The following NLGN4Y variants were observed in gnomAD, a reference collection of about 807,000 sequenced individuals.
NLGN4Y encodes the protein neuroligin 4 Y-linked, also known as neuroligin-4, Y-linked.
A neutral mutation model predicts 8.4 loss-of-function variants in NLGN4Y; 4 were observed. The ratio of observed to expected loss-of-function variants is 0.48; its 90% CI spans 0.23 to 1.09. NLGN4Y has a LOEUF of 1.09. Among genes scored for constraint, NLGN4Y ranks in the 50% least tolerant of loss-of-function variants. The probability of loss-of-function intolerance (pLI) is 0.19; values close to 1 mark genes in which losing one functional copy is unlikely to be tolerated. For missense variants in NLGN4Y, 90 were observed against 192.3 expected (o/e 0.47, Z 3.15); for synonymous variants, 35 against 75.6 (o/e 0.46, Z 2.78).
intron 1 of NLGN4Y, among the ~76,000 whole-genome samples, chrY:14,605,990 G>A (rs777942739): frequency 6.7e-4 from 22 of 32,775 alleles, no homozygotes; most frequent in African/African-American, 2.6e-3. Context: ...GTTGAGAGTG[G>A]GCATCCATGT....
In NLGN4Y at chrY:14,613,502, A is replaced by G. The variant is rs750363052; in HGVS notation, c.-111-8507A>G. Among the ~76,000 whole-genome samples, 9 of 33,356 alleles carry G rather than the reference A, an allele frequency of 2.7e-4. No individual in the cohort carries two copies. The East Asian group carries it at 3.2e-3, about 12-fold the overall frequency. 89.5% of individuals were successfully genotyped at this position (33,356 alleles called of 37,273 possible). Reference sequence around the variant, plus strand: ...TGTGCACAACATGCAGGTTTGATACATGGGTATATATGTGCCACATTGGCT... The same window carrying G: ...TGTGCACAACATGCAGGTTTGATACGTGGGTATATATGTGCCACATTGGCT... On this transcript the variant is annotated intron_variant, in intron 1 of 6. Coordinates refer to ENST00000684976, the MANE Select transcript of NLGN4Y (RefSeq NM_001365588.1).
At chrY:14,669,730 A>G (rs2080703965) in intron 2 of NLGN4Y, among the ~76,000 whole-genome samples, 3 of 33,679 alleles carry the variant, frequency 8.9e-5, no homozygotes, top group Admixed American at 5.4e-4. Flanking sequence ...GATTCTCTTT[A>G]TATCATGGAG....
chrY:14,730,002 T>G (rs756495349), intron 4 of NLGN4Y, among the ~76,000 whole-genome samples: 1 of 33,978 alleles, frequency 2.9e-5, no homozygotes, highest in Admixed American at 2.7e-4. Context: ...TGTTAGCAGA[T>G]GTATATACTT....
chrY:14,727,848 C>T, intron 4 of NLGN4Y, among the ~76,000 whole-genome samples: 1 of 33,415 alleles, frequency 3.0e-5, no homozygotes, highest in Non-Finnish European at 7.4e-5. Flanking sequence ...CCTATACAAC[C>T]AATCTCATTT....
chrY:14,804,848 C>T (rs779780873), intron 4 of NLGN4Y, among the ~76,000 whole-genome samples: 1 of 33,569 alleles, frequency 3.0e-5, no homozygotes, highest in East Asian at 7.8e-4. Context: ...ATTTCCGCTC[C>T]TATGAGAATA....
At chrY:14,744,801 T>C (rs2081019456) in intron 4 of NLGN4Y, among the ~76,000 whole-genome samples, 1 of 33,949 alleles carries the variant, frequency 2.9e-5, no homozygotes, top group East Asian at 7.9e-4. Context: ...TCTCCCTAAC[T>C]CATCTGTCTG....
At chrY:14,619,162 C>A in intron 1 of NLGN4Y, among the ~76,000 whole-genome samples, 2 of 33,183 alleles carry the variant, frequency 6.0e-5, no homozygotes, top group Non-Finnish European at 1.5e-4. Context: ...GTCACAGTCT[C>A]ACTCACATTG....
intron 4 of NLGN4Y, among the ~76,000 whole-genome samples, chrY:14,736,748 C>T (rs905539617): frequency 3.1e-5 from 1 of 32,276 alleles, no homozygotes. Context: ...CCCTTCTCCA[C>T]GCTGCTGCCA....
chrY:14,785,134 A>G, intron 4 of NLGN4Y, among the ~76,000 whole-genome samples: 3 of 33,548 alleles, frequency 8.9e-5, no homozygotes, highest in Non-Finnish European at 1.5e-4. Flanking sequence ...CTTGCACCTA[A>G]AATAAAAGTT....
chrY:14,566,281 C>T (rs2080251081), intron 1 of NLGN4Y, among the ~76,000 whole-genome samples: 1 of 32,969 alleles, frequency 3.0e-5, no homozygotes, highest in Non-Finnish European at 7.4e-5. Flanking sequence ...AAACCCATCT[C>T]ACGTGCAAAG....
At chrY:14,755,662 C>T (rs779021232) in intron 4 of NLGN4Y, among the ~76,000 whole-genome samples, 2 of 33,328 alleles carry the variant, frequency 6.0e-5, no homozygotes, top group Admixed American at 5.5e-4. Context: ...ATAGAAAGAT[C>T]TCATCCCTTT....
chrY:14,707,209 G>A, intron 2 of NLGN4Y, among the ~76,000 whole-genome samples: 1 of 21,042 alleles, frequency 4.8e-5, no homozygotes, highest in Non-Finnish European at 1.0e-4. Context: ...GTTGTTTTTT[G>A]AGATGGAGTC....
chrY:14,824,897 A>G (rs2043138365), intron 5 of NLGN4Y, among the ~76,000 whole-genome samples: 1 of 33,429 alleles, frequency 3.0e-5, no homozygotes, highest in Non-Finnish European at 7.4e-5. Flanking sequence ...GGCGGACACT[A>G]TTGTTTCTTT....
intron 4 of NLGN4Y, among the ~76,000 whole-genome samples, chrY:14,750,190 TA>T (rs2081037514): frequency 9.6e-5 from 3 of 31,299 alleles, no homozygotes; most frequent in Non-Finnish European, 1.6e-4. Flanking sequence ...ACCCACCTTT[TA>T]AAAAAAAATA....
chrY:14,683,923 A>G, intron 2 of NLGN4Y, among the ~76,000 whole-genome samples: 3 of 33,379 alleles, frequency 9.0e-5, no homozygotes, highest in African/African-American at 3.5e-4. Context: ...GGAGCTATTT[A>G]TTAAGATGTT....
chrY:14,748,682 G>A (rs1320078803), intron 4 of NLGN4Y: 3 of 182,402 alleles, frequency 1.6e-5, no homozygotes, highest in Non-Finnish European at 3.1e-5. Flanking sequence ...CAGGCACCAC[G>A]GGATTGCAAG....
intron 2 of NLGN4Y, among the ~76,000 whole-genome samples, chrY:14,659,731 C>T: frequency 3.0e-5 from 1 of 33,309 alleles, no homozygotes; most frequent in Admixed American, 2.7e-4. Context: ...ACCATTCTGA[C>T]AGCCCAGCCC....
At chrY:14,757,280 C>G (rs932255355) in intron 4 of NLGN4Y, among the ~76,000 whole-genome samples, 5 of 32,478 alleles carry the variant, frequency 1.5e-4, no homozygotes, top group Non-Finnish European at 3.0e-4. Flanking sequence ...CATGGCTAAA[C>G]CAATGTGTCC....
intron 1 of NLGN4Y, among the ~76,000 whole-genome samples, chrY:14,557,176 G>T: frequency 8.9e-5 from 3 of 33,538 alleles, no homozygotes; most frequent in African/African-American, 3.5e-4. Flanking sequence ...TAGCAGTGTT[G>T]GTTCCTGGGT....
Sources: allele counts gnomAD v4.1 joint callset (sites outside exome capture counted in the v4.1 genomes callset), GRCh38; gene constraint gnomAD v4.1.1; transcripts MANE v1.5; gene names NCBI Gene and HGNC (gene_info 2026-07-23, HGNC 2026-07-21).